RAD54L2: variants seen among roughly 807,000 people sequenced by gnomAD.
The protein encoded by RAD54L2 is helicase ARIP4.
In RAD54L2, 27 loss-of-function variants were observed where a neutral mutation model predicts 138.4. The ratio of observed to expected loss-of-function variants is 0.20; its 90% CI spans 0.14 to 0.27. The LOEUF (loss-of-function observed/expected upper bound fraction) is 0.27. Ranked by LOEUF, RAD54L2 falls within the 10% of genes least tolerant of loss-of-function variation. The pLI is 1.00. For missense variants in RAD54L2, 1,396 were observed against 1,890.2 expected (o/e 0.74, Z 4.85); for synonymous variants, 644 against 723.2 (o/e 0.89, Z 1.76).
At chr3:51,601,845 GT>G (rs201636576) in intron 3 of RAD54L2, among the ~76,000 whole-genome samples, 5,779 of 151,194 alleles carry the variant, frequency 0.038, 390 homozygotes, top group African/African-American at 0.13. Flanking sequence ...CATTTCATGT[GT>G]TTTTTTGTTT....
rs933038070 is a variant in RAD54L2 at position 51,664,155 on chromosome 3, C to T, written c.*735C>T. 6.6e-6 allele frequency: 1 copy of T among 152,088 alleles called. No homozygotes were observed. The allele number at this position is 152,088 out of a possible 1,614,324, so 9.4% of individuals were successfully genotyped here. ...AGCCATGGAAATAACAAGTTTCCTT[C>T]GGGATGGGTGAAGAGAAGGCCCAGC... is the stretch of plus-strand genomic sequence containing the variant. On this transcript the variant is annotated 3_prime_UTR_variant, in exon 23 of 23. Transcript: ENST00000684192.
chr3:51,636,991 C>A, intron 10 of RAD54L2, 170 bp from the exon 11 acceptor site: 1 of 621,626 alleles, frequency 1.6e-6, no homozygotes, highest in Non-Finnish European at 2.8e-6. Context: ...TCATACCAGT[C>A]ATATCCAGGA....
intron 2 of RAD54L2, among the ~76,000 whole-genome samples, chr3:51,573,894 C>T (rs1364513353): frequency 6.6e-6 from 1 of 151,748 alleles, no homozygotes; most frequent in Non-Finnish European, 1.5e-5. Context: ...ATGTGCACAA[C>T]GTGTAGGTTT....
chr3:51,590,412 C>G lies in RAD54L2; in HGVS notation c.-9C>G. 1 of 1,527,098 alleles carries G rather than the reference C, an allele frequency of 6.5e-7. No homozygotes were observed. The highest frequency in any genetic ancestry group is 8.8e-7 in the Non-Finnish European group (1 of 1,133,152). 94.6% of individuals were successfully genotyped at this position (1,527,098 alleles called of 1,614,324 possible). A position where few individuals can be genotyped will look rare whatever the true frequency, so the allele number is the denominator to read the frequency against. Reference sequence around the variant, plus strand: ...AGTCGGTAATGCCCACTGAGGACCTCTGGGAGCCATGTCAGACGAATCTGC... The same window carrying G: ...AGTCGGTAATGCCCACTGAGGACCTGTGGGAGCCATGTCAGACGAATCTGC... On this transcript the variant is annotated 5_prime_UTR_variant, in exon 3 of 23. Coordinates refer to ENST00000684192, the MANE Select transcript of RAD54L2 (RefSeq NM_015106.4).
intron 2 of RAD54L2, among the ~76,000 whole-genome samples, chr3:51,546,307 CTG>C (rs1341393892): frequency 6.6e-6 from 1 of 151,938 alleles, no homozygotes; most frequent in Admixed American, 6.6e-5. Context: ...TGAAAAGTAA[CTG>C]TAGTTAGGTT....
chr3:51,570,896 A>G (rs1219163066), intron 2 of RAD54L2, among the ~76,000 whole-genome samples: 1 of 152,000 alleles, frequency 6.6e-6, no homozygotes, highest in African/African-American at 2.4e-5. Context: ...ATCTTGGCCC[A>G]CTACAGTCTT....
intron 7 of RAD54L2, 81 bp from the exon 8 acceptor site, chr3:51,633,496 T>A (rs1700900939): frequency 7.3e-7 from 1 of 1,364,262 alleles, no homozygotes; most frequent in Non-Finnish European, 1.0e-6. Flanking sequence ...CTTACTTAAT[T>A]CTTACTAATT....
chr3:51,557,931 A>G (rs1459357886), intron 2 of RAD54L2, among the ~76,000 whole-genome samples: 1 of 150,436 alleles, frequency 6.6e-6, no homozygotes, highest in Non-Finnish European at 1.5e-5. Flanking sequence ...TGCAACCTTC[A>G]CCTCCCAAGG....
At chr3:51,644,250 A>G (rs1203031485) in intron 16 of RAD54L2, among the ~76,000 whole-genome samples, 1 of 152,076 alleles carries the variant, frequency 6.6e-6, no homozygotes, top group Non-Finnish European at 1.5e-5. Context: ...GCTTGAACCC[A>G]GGGGTTCAAG....
Position 51,656,154 on chromosome 3 carries a change from G to A in RAD54L2, c.3210G>A (p.Lys1070=), listed in dbSNP as rs1279940628. The change falls in exon 20 of 23, where the codon AAG becomes AAA. Residue 1070 remains lysine, a synonymous_variant. Coordinates refer to ENST00000684192, the MANE Select transcript of RAD54L2 (RefSeq NM_015106.4). ...AGCGTGCAGGAGTCCTTGTGCAGAA[G>A]GTGGTCACCACGACAGGTGGGAACT... ...YLQRAGVLVQ[K]VVTTTDIVIP... is the part of the protein sequence containing the mutation. 1.9e-6 allele frequency: 3 copies of A among 1,610,696 alleles called. No individual in the cohort carries two copies. Among genetic ancestry groups the A allele is most frequent in the African/African-American group, 1.3e-5 (1 of 74,872 alleles).
Position 51,638,659 on chromosome 3 carries a change from T to C in RAD54L2, c.1860+338T>C, listed in dbSNP as rs1701051450. The C allele has an allele frequency of 4.6e-6, 1 of 216,212 alleles. No individual in the cohort carries two copies. The highest frequency in any genetic ancestry group is 2.3e-5 in the African/African-American group (1 of 44,082). 13.4% of individuals were successfully genotyped at this position (216,212 alleles called of 1,614,324 possible). A position where few individuals can be genotyped will look rare whatever the true frequency, so the allele number is the denominator to read the frequency against. ...AATCAGAATTCAAGAGATATATAGCTTAGACAAGTTATTAGGGGTACCTTC... is the reference window on the plus strand; with the variant it reads ...AATCAGAATTCAAGAGATATATAGCCTAGACAAGTTATTAGGGGTACCTTC... On this transcript the variant is annotated intron_variant, in intron 12 of 22. Transcript: ENST00000684192. The surrounding 1 kb of genome is among the most constrained non-coding windows in gnomAD (Gnocchi z 4.3).
At chr3:51,641,898 C>T in intron 15 of RAD54L2, 31 bp downstream of exon 15, 1 of 1,466,230 alleles carries the variant, frequency 6.8e-7, no homozygotes, top group Non-Finnish European at 9.4e-7. Flanking sequence ...TTCTTGAAGC[C>T]TTGGCAAGGT....
At chr3:51,625,208 C>T (rs1160304768) in intron 3 of RAD54L2, among the ~76,000 whole-genome samples, 6 of 152,074 alleles carry the variant, frequency 3.9e-5, no homozygotes, top group Non-Finnish European at 8.8e-5. Context: ...CACTTGAGGT[C>T]GGGAGTTCGA....
intron 2 of RAD54L2, among the ~76,000 whole-genome samples, chr3:51,557,180 CTTTTTTTT>C (rs58428110): frequency 5.3e-5 from 6 of 113,356 alleles, no homozygotes; most frequent in East Asian, 3.1e-4. Flanking sequence ...TTGTTGTTGG[CTTTTTTTT>C]TTTTTTTTTT....
intron 14 of RAD54L2, 101 bp downstream of exon 14, chr3:51,640,100 T>C: frequency 1.3e-6 from 1 of 784,030 alleles, no homozygotes; most frequent in Non-Finnish European, 2.1e-6. Flanking sequence ...CCCCAAGTGC[T>C]ATTGTGAGGA....
At chr3:51,630,564 G>T in intron 6 of RAD54L2, 141 bp from the exon 7 acceptor site, 1 of 976,494 alleles carries the variant, frequency 1.0e-6, no homozygotes, top group East Asian at 2.6e-5. Context: ...GAAGCTGAAA[G>T]AGAGAAATAG....
At chr3:51,599,998 G>A (rs1047118728) in intron 3 of RAD54L2, among the ~76,000 whole-genome samples, 3 of 151,512 alleles carry the variant, frequency 2.0e-5, no homozygotes, top group African/African-American at 7.3e-5. Context: ...GCGTGATCTC[G>A]GATCACTGCA....
Position 51,629,430 on chromosome 3 carries a change from T to C in RAD54L2, c.438T>C (p.Asp146=), listed in dbSNP as rs1272452729. Residue 146 remains aspartate, a synonymous_variant, in exon 5 of 23, where the codon GAT becomes GAC. Coordinates refer to ENST00000684192, the MANE Select transcript of RAD54L2 (RefSeq NM_015106.4). ...RRKRLEQQRK[D]YAAPIPTVPL... ...AGCGCCTGGAGCAGCAGAGGAAAGA[T>C]TATGCAGCCCCTATTCCTACTGTTC... The C allele has an allele frequency of 1.9e-6, 3 of 1,612,098 alleles. No homozygotes were observed. The African/African-American group carries it at 4.0e-5, about 22-fold the overall frequency.
At chr3:51,573,508 C>G (rs1052470809) in intron 2 of RAD54L2, among the ~76,000 whole-genome samples, 1 of 151,638 alleles carries the variant, frequency 6.6e-6, no homozygotes, top group East Asian at 1.9e-4. Context: ...GTGACACAAT[C>G]TCACTGCAAC....
Sources: gnomAD v4.1 joint callset for allele counts (sites outside exome capture counted in the v4.1 genomes callset) on GRCh38, gnomAD v4.1.1 for gene constraint, Gnocchi (gnomAD v3.1) non-coding constraint, MANE v1.5 for transcripts, NCBI Gene and HGNC (gene_info 2026-07-23, HGNC 2026-07-21) for gene names.